SLC25A26: variants seen among roughly 807,000 people sequenced by gnomAD.
The protein encoded by SLC25A26 is solute carrier family 25 member 26.
A neutral mutation model predicts 37.8 loss-of-function variants in SLC25A26; 36 were observed. The ratio of observed to expected loss-of-function variants is 0.95; its 90% CI spans 0.73 to 1.26. The LOEUF is 1.26. Among genes scored for constraint, SLC25A26 ranks in the 50% most tolerant of loss-of-function variants. SLC25A26 has a pLI of 0.00. For missense variants in SLC25A26, 390 were observed against 331.1 expected, an observed-to-expected ratio of 1.18 and a Z score of -1.38; for synonymous variants, 129 against 122.5, an observed-to-expected ratio of 1.05 and a Z score of -0.35.
At chr3:66,149,564 T>G (rs904489452) in intron 1 of SLC25A26, among the ~76,000 whole-genome samples, 4 of 152,354 alleles carry the variant, frequency 2.6e-5, no homozygotes, top group Admixed American at 6.5e-5. Context: ...CATTGTGCTC[T>G]TACGTGTTTT....
intron 1 of SLC25A26, among the ~76,000 whole-genome samples, chr3:66,143,162 A>G (rs891146143): frequency 1.3e-4 from 20 of 151,838 alleles, no homozygotes; most frequent in Non-Finnish European, 2.4e-4. Context: ...ATGGCTGAAT[A>G]ATAAAAAAAA....
At chr3:66,320,260 C>T (rs1237819025) in intron 5 of SLC25A26, among the ~76,000 whole-genome samples, 1 of 152,088 alleles carries the variant, frequency 6.6e-6, no homozygotes, top group Non-Finnish European at 1.5e-5. Context: ...CAATAACTCC[C>T]CACTCTCCCC....
At chr3:66,307,612 T>C (rs1483886510) in intron 5 of SLC25A26, among the ~76,000 whole-genome samples, 1 of 152,228 alleles carries the variant, frequency 6.6e-6, no homozygotes, top group Non-Finnish European at 1.5e-5. Context: ...ACCTAGGTTT[T>C]CTTCTATGGT....
At chr3:66,182,723 G>A (rs1011973825) in intron 1 of SLC25A26, among the ~76,000 whole-genome samples, 11 of 140,884 alleles carry the variant, frequency 7.8e-5, no homozygotes, top group East Asian at 2.6e-4. Flanking sequence ...CGGCGGGGGG[G>A]GGGGGTGGGG....
chr3:66,174,834 A>G (rs983624446), intron 1 of SLC25A26, among the ~76,000 whole-genome samples: 44 of 151,708 alleles, frequency 2.9e-4, no homozygotes, highest in East Asian at 1.6e-3. Context: ...TGCGCTATGA[A>G]AAGTCACAAA....
In SLC25A26 at chr3:66,243,432, A is replaced by G. The variant is rs1576696165; in HGVS notation, c.300+120A>G. ...TAAATTATGAAAGTCATAAATGGCA[A>G]TAAATGTAAATGGATTAAATATGAC... On this transcript the variant is annotated intron_variant, in intron 3 of 9. Transcript: ENST00000354883. 1.8e-5 allele frequency: 10 copies of G among 545,362 alleles called. No homozygotes were observed. In the East Asian group the frequency reaches 2.7e-4, roughly 15 times the overall value. The allele number at this position is 545,362 out of a possible 1,614,324, so 33.8% of individuals were successfully genotyped here.
chr3:66,271,829 T>G lies in SLC25A26; in HGVS notation c.453+8450T>G, dbSNP rs76269787. Among the ~76,000 whole-genome samples, 827 of 152,198 alleles carry G rather than the reference T, an allele frequency of 5.4e-3. 8 individuals carry two copies. The highest frequency in any genetic ancestry group is 0.019 in the African/African-American group (806 of 41,540). On this transcript the variant is annotated intron_variant, in intron 5 of 9. Coordinates refer to ENST00000354883, the MANE Select transcript of SLC25A26 (RefSeq NM_001379210.1). Reference sequence around the variant, plus strand: ...ATGAGTAATTGTCTGTACCACTATTTTTTTTTTTGGTCATTCTCCTCTGTA... The same window carrying G: ...ATGAGTAATTGTCTGTACCACTATTGTTTTTTTTGGTCATTCTCCTCTGTA...
chr3:66,256,969 C>G (rs1221228599), intron 3 of SLC25A26, among the ~76,000 whole-genome samples: 1 of 152,124 alleles, frequency 6.6e-6, no homozygotes, highest in Admixed American at 6.5e-5. Context: ...TTTGCTGATT[C>G]ATTTCCTCCT....
chr3:66,206,894 CT>C (rs1192766670), intron 1 of SLC25A26, among the ~76,000 whole-genome samples: 7,593 of 124,552 alleles, frequency 0.061, 386 homozygotes, highest in African/African-American at 0.15. Context: ...TTCTTTCTTT[CT>C]TTTTTTTTTT....
At chr3:66,183,648 C>A (rs145318622) in intron 1 of SLC25A26, among the ~76,000 whole-genome samples, 21,096 of 152,028 alleles carry the variant, frequency 0.14, 1,603 homozygotes, top group Middle Eastern at 0.17. Flanking sequence ...CTGAATCTGA[C>A]CTTCATCACG....
At chr3:66,282,731 C>G (rs1040883972) in intron 5 of SLC25A26, among the ~76,000 whole-genome samples, 4 of 152,172 alleles carry the variant, frequency 2.6e-5, no homozygotes, top group African/African-American at 9.7e-5. Flanking sequence ...AAACTTCTTT[C>G]CGGTGTTCAG....
intron 1 of SLC25A26, among the ~76,000 whole-genome samples, chr3:66,152,967 G>A (rs1450649287): frequency 6.6e-6 from 1 of 152,176 alleles, no homozygotes; most frequent in Non-Finnish European, 1.5e-5. Context: ...TGTAAAATAA[G>A]TTTCCTGGGG....
At chr3:66,341,663 G>C (rs1255321731) in intron 5 of SLC25A26, among the ~76,000 whole-genome samples, 1 of 152,042 alleles carries the variant, frequency 6.6e-6, no homozygotes. Flanking sequence ...TTACTCATGT[G>C]TTTATTTTAT....
At chr3:66,191,467 A>G (rs1020442363) in intron 1 of SLC25A26, among the ~76,000 whole-genome samples, 2 of 152,240 alleles carry the variant, frequency 1.3e-5, no homozygotes, top group African/African-American at 4.8e-5. Flanking sequence ...TCTCAAAAAT[A>G]TCTCCTTATT....
At chr3:66,218,046 T>C (rs930822673), upstream of SLC25A26, among the ~76,000 whole-genome samples, 15 of 152,184 alleles carry the variant, frequency 9.9e-5, no homozygotes, top group African/African-American at 3.4e-4. Context: ...TTATATACTT[T>C]CTGTCACTAT....
intron 5 of SLC25A26, among the ~76,000 whole-genome samples, chr3:66,322,941 G>T (rs1215766835): frequency 6.8e-6 from 1 of 147,456 alleles, no homozygotes; most frequent in African/African-American, 2.4e-5. Flanking sequence ...TACCTTCTTG[G>T]TTTTTAATTA....
At chr3:66,189,728 C>G (rs1277926661) in intron 1 of SLC25A26, among the ~76,000 whole-genome samples, 2 of 152,202 alleles carry the variant, frequency 1.3e-5, no homozygotes, top group African/African-American at 4.8e-5. Context: ...TTGGTATGAT[C>G]ATGGCTCACT....
At chr3:66,233,374 A>G (rs1055955823) in intron 1 of SLC25A26, among the ~76,000 whole-genome samples, 1 of 152,216 alleles carries the variant, frequency 6.6e-6, no homozygotes, top group Non-Finnish European at 1.5e-5. Context: ...TTTGCTGGTT[A>G]TCTGGGTTAT....
chr3:66,244,874 G>A (rs187443016), intron 3 of SLC25A26, among the ~76,000 whole-genome samples: 1 of 152,166 alleles, frequency 6.6e-6, no homozygotes, highest in East Asian at 1.9e-4. Context: ...CTACTTGGGA[G>A]GCTGAGGCAG....
Sources: allele counts gnomAD v4.1 joint callset (sites outside exome capture counted in the v4.1 genomes callset), GRCh38; gene constraint gnomAD v4.1.1; transcripts MANE v1.5; gene names NCBI Gene and HGNC (gene_info 2026-07-23, HGNC 2026-07-21).